DLC1: variants seen among roughly 807,000 people sequenced by gnomAD.
The protein encoded by DLC1 is rho GTPase-activating protein 7.
DLC1 carries 54 observed loss-of-function variants against 140.3 expected under a neutral mutation model. The observed-to-expected ratio is 0.38, with a 90% CI of 0.31 to 0.48. DLC1 has a LOEUF of 0.48. Ranked by LOEUF, DLC1 falls within the 20% of genes least tolerant of loss-of-function variation. The pLI, the probability that DLC1 is intolerant of heterozygous loss-of-function variation, is 0.96. For missense variants in DLC1, 2,536 were observed against 1,907.0 expected, an observed-to-expected ratio of 1.33 and a Z score of -6.14; for synonymous variants, 986 against 728.1, an observed-to-expected ratio of 1.35 and a Z score of -5.70.
chr8:13,325,250 G>C (rs909550423), intron 4 of DLC1, among the ~76,000 whole-genome samples: 3 of 152,192 alleles, frequency 2.0e-5, no homozygotes, highest in Non-Finnish European at 4.4e-5. Flanking sequence ...AAGGAAGTAG[G>C]AGTGAGACTA....
rs1398234612 is a variant in DLC1 at position 13,088,569 on chromosome 8, T to C, written c.4210A>G (p.Ile1404Val). ...TAAATTTCAGTTTGGCTGTCCAGAATTTCGATCACTTTTGAATCCAACAGG... is the reference window on the plus strand; with the variant it reads ...TAAATTTCAGTTTGGCTGTCCAGAACTTCGATCACTTTTGAATCCAACAGG... Reference protein sequence around the residue: ...VDLLDSKVIEILDSQTEIYQY... With the variant: ...VDLLDSKVIEVLDSQTEIYQY... Residue 1404 changes from isoleucine (I) to valine (V), a missense_variant, in exon 16 of 18, where the codon ATT becomes GTT. Transcript: ENST00000276297. 4 of 1,614,206 alleles carry C rather than the reference T, an allele frequency of 2.5e-6. No homozygotes were observed. Among genetic ancestry groups the C allele is most frequent in the Non-Finnish European group, 3.4e-6 (4 of 1,180,040 alleles).
Position 13,577,330 on chromosome 8 carries a change from A to G in DLC1, c.-126+27207T>C, listed in dbSNP as rs573167676. Reference sequence around the variant, plus strand: ...CATGACAAGGACTCCATCTAATTACAGCTTATTATGCGATGGGTCAGTGTC... The same window carrying G: ...CATGACAAGGACTCCATCTAATTACGGCTTATTATGCGATGGGTCAGTGTC... On this transcript the variant is annotated intron_variant, in intron 1 of 1. Transcript: ENST00000631382. 6.4e-4 allele frequency among the ~76,000 whole-genome samples: 97 copies of G among 152,320 alleles called. 1 individual carries two copies. The South Asian group carries it at 0.02, about 31-fold the overall frequency.
Position 13,085,683 on chromosome 8 carries a change from C to G in DLC1, c.*128G>C, listed in dbSNP as rs1292074438. 1 of 1,408,316 alleles carries G rather than the reference C, an allele frequency of 7.1e-7. No homozygotes were observed. The highest frequency in any genetic ancestry group is 9.5e-7 in the Non-Finnish European group (1 of 1,047,120). 87.2% of individuals were successfully genotyped at this position (1,408,316 alleles called of 1,614,324 possible). ...TAAAAATGTATCAAATTGCTATAGT[C>G]AATTCCTACACTCCAGCTTGTAGTT... On this transcript the variant is annotated 3_prime_UTR_variant, in exon 18 of 18. Transcript: ENST00000276297.
intron 4 of DLC1, among the ~76,000 whole-genome samples, chr8:13,363,985 CTTTG>C (rs768340933): frequency 5.3e-5 from 8 of 151,962 alleles, no homozygotes; most frequent in African/African-American, 9.7e-5. Flanking sequence ...ACAGTGGTTT[CTTTG>C]TTTGTTATAA....
chr8:13,261,332 A>C (rs779356248), intron 5 of DLC1, among the ~76,000 whole-genome samples: 4 of 152,160 alleles, frequency 2.6e-5, no homozygotes, highest in Non-Finnish European at 4.4e-5. Context: ...CATGAACAGC[A>C]AAGAGGCCAG....
intron 5 of DLC1, among the ~76,000 whole-genome samples, chr8:13,200,095 T>G (rs1047297602): frequency 2.0e-5 from 3 of 152,142 alleles, no homozygotes; most frequent in Non-Finnish European, 1.5e-5. Flanking sequence ...TGGGCTTGAG[T>G]GCAATGGCGT....
chr8:13,433,402 A>C (rs555897758), intron 2 of DLC1, among the ~76,000 whole-genome samples: 6 of 152,324 alleles, frequency 3.9e-5, no homozygotes, highest in Non-Finnish European at 5.9e-5. Context: ...AGGTAGTTAC[A>C]GATCAAGAAA....
At chr8:13,440,922 C>A (rs888610170) in intron 2 of DLC1, among the ~76,000 whole-genome samples, 60 of 152,126 alleles carry the variant, frequency 3.9e-4, no homozygotes, top group African/African-American at 1.4e-3. Context: ...TTCCCGGTCT[C>A]GTGTGTGTCT....
chr8:13,545,329 A>G (rs1389612700), intron 1 of DLC1, among the ~76,000 whole-genome samples: 1 of 150,430 alleles, frequency 6.6e-6, no homozygotes, highest in Non-Finnish European at 1.5e-5. Context: ...ATATATATAT[A>G]TACTTTAAAT....
chr8:13,202,038 C>G (rs550101525), intron 5 of DLC1, among the ~76,000 whole-genome samples: 5 of 151,164 alleles, frequency 3.3e-5, no homozygotes, highest in African/African-American at 9.7e-5. Flanking sequence ...CTCTGCCTCC[C>G]TGGTTCAAGT....
chr8:13,439,302 C>T (rs541191505), intron 2 of DLC1, among the ~76,000 whole-genome samples: 31 of 151,744 alleles, frequency 2.0e-4, no homozygotes, highest in African/African-American at 7.5e-4. Flanking sequence ...CCAGTCTGGG[C>T]GACAGAGTGA....
At chr8:13,270,062 A>AG (rs1242755449) in intron 5 of DLC1, among the ~76,000 whole-genome samples, 3 of 152,090 alleles carry the variant, frequency 2.0e-5, no homozygotes, top group African/African-American at 7.2e-5. Flanking sequence ...GTCTCAAAAA[A>AG]AAAAAAAAAA....
chr8:13,479,239 T>G (rs1800572450), intron 2 of DLC1, among the ~76,000 whole-genome samples: 1 of 152,162 alleles, frequency 6.6e-6, no homozygotes, highest in Admixed American at 6.6e-5. Context: ...AATAAGAAAG[T>G]TAAAAATATG....
At chr8:13,286,557 C>G (rs780227716) in intron 5 of DLC1, among the ~76,000 whole-genome samples, 1 of 151,842 alleles carries the variant, frequency 6.6e-6, no homozygotes, top group Non-Finnish European at 1.5e-5. Context: ...TGAGAATATG[C>G]TGTTTGTATG....
intron 5 of DLC1, among the ~76,000 whole-genome samples, chr8:13,292,271 C>T (rs1195677014): frequency 1.3e-5 from 2 of 152,134 alleles, no homozygotes; most frequent in Non-Finnish European, 1.5e-5. Context: ...AAAGTCCAGG[C>T]CACTCCCTAC....
intron 5 of DLC1, among the ~76,000 whole-genome samples, chr8:13,138,278 G>C (rs937961348): frequency 7.2e-5 from 11 of 152,150 alleles, no homozygotes; most frequent in African/African-American, 2.2e-4. Flanking sequence ...TTGTTGACCT[G>C]TCTTAACAAG....
At chr8:13,229,956 T>TAAATA (rs1828968422) in intron 5 of DLC1, among the ~76,000 whole-genome samples, 1 of 152,236 alleles carries the variant, frequency 6.6e-6, no homozygotes, top group Non-Finnish European at 1.5e-5. Context: ...GTTGTCAGAC[T>TAAATA]ACTAACTAAA....
chr8:13,443,671 A>AAG (rs1798645792), intron 2 of DLC1, among the ~76,000 whole-genome samples: 1 of 151,698 alleles, frequency 6.6e-6, no homozygotes, highest in Non-Finnish European at 1.5e-5. Context: ...AAAAAAAAAA[A>AAG]AAAAGAAAAA....
intron 1 of DLC1, among the ~76,000 whole-genome samples, chr8:13,509,675 A>G (rs191365310): frequency 5.1e-4 from 78 of 151,866 alleles, no homozygotes; most frequent in Middle Eastern, 3.4e-3. Context: ...TGTATGAAAC[A>G]AATACCATTA....
Sources: gnomAD v4.1 joint callset for allele counts (sites outside exome capture counted in the v4.1 genomes callset) on GRCh38, gnomAD v4.1.1 for gene constraint, MANE v1.5 for transcripts, NCBI Gene and HGNC (gene_info 2026-07-23, HGNC 2026-07-21) for gene names.